Variants in NGEF observed in about 807,000 individuals in gnomAD.
NGEF encodes the protein neuronal guanine nucleotide exchange factor.
In NGEF, 31 loss-of-function variants were observed where a neutral mutation model predicts 80.9. That is an observed-to-expected ratio of 0.38 (90% confidence interval 0.29 to 0.52). NGEF has a LOEUF of 0.52. Among genes scored for constraint, NGEF ranks in the 20% least tolerant of loss-of-function variants. The pLI, the probability that NGEF is intolerant of heterozygous loss-of-function variation, is 0.84. For missense variants in NGEF, 709 were observed against 926.2 expected (o/e 0.77, Z 3.04); for synonymous variants, 371 against 370.2 (o/e 1.00, Z -0.03).
intron 3 of NGEF, among the ~76,000 whole-genome samples, chr2:232,930,851 A>G (rs149152214): frequency 6.6e-5 from 10 of 152,338 alleles, no homozygotes; most frequent in Middle Eastern, 3.4e-3. Flanking sequence ...TGTAAAATAC[A>G]TTCATTCCAT....
At chr2:232,948,480 T>C (rs1345728346) in intron 3 of NGEF, among the ~76,000 whole-genome samples, 3 of 152,034 alleles carry the variant, frequency 2.0e-5, no homozygotes, top group Non-Finnish European at 4.4e-5. Context: ...TGAAGAATAA[T>C]GATGTCTGCA....
At chr2:232,885,225 G>A (rs1218365098) in intron 10 of NGEF, 55 bp downstream of exon 10, 3 of 1,510,512 alleles carry the variant, frequency 2.0e-6, no homozygotes, top group African/African-American at 2.8e-5. Flanking sequence ...TGCCTCTGGG[G>A]CGGGGCCAGG....
Position 232,882,273 on chromosome 2 carries a change from A to C in NGEF, c.1758-8T>G, listed in dbSNP as rs753142894. On this transcript the variant is annotated splice_polypyrimidine_tract_variant and splice_region_variant and intron_variant, in intron 12 of 14. Coordinates refer to ENST00000264051, the MANE Select transcript of NGEF (RefSeq NM_019850.3). ...CAACGCTTCATCTCACTCCTGGCAC[A>C]GGGAAGAGGACAGTGCCCCAACTGC... 1 of 1,612,420 alleles carries C rather than the reference A, an allele frequency of 6.2e-7. No homozygotes were observed. Among genetic ancestry groups the C allele is most frequent in the Non-Finnish European group, 8.5e-7 (1 of 1,179,174 alleles).
chr2:232,912,194 G>T (rs761239069), intron 5 of NGEF, among the ~76,000 whole-genome samples: 2 of 152,082 alleles, frequency 1.3e-5, no homozygotes, highest in Non-Finnish European at 2.9e-5. Context: ...TTCCTCCTTT[G>T]CTGAAAATTT....
At chr2:232,917,200 C>G (rs992670992) in intron 5 of NGEF, among the ~76,000 whole-genome samples, 4 of 152,182 alleles carry the variant, frequency 2.6e-5, no homozygotes, top group African/African-American at 9.7e-5. Context: ...ATCACCAAAA[C>G]CAAGCTTCTA....
At chr2:232,996,683 C>T (rs1464586010) in intron 1 of NGEF, among the ~76,000 whole-genome samples, 1 of 152,076 alleles carries the variant, frequency 6.6e-6, no homozygotes, top group African/African-American at 2.4e-5. Context: ...TTAGTAGAGG[C>T]GGGGTTTCAC....
At chr2:232,887,798 C>A (rs991595575) in intron 9 of NGEF, among the ~76,000 whole-genome samples, 2 of 152,114 alleles carry the variant, frequency 1.3e-5, no homozygotes, top group Non-Finnish European at 2.9e-5. Context: ...ACAAGACAGG[C>A]GGTGAGTACG....
intron 8 of NGEF, among the ~76,000 whole-genome samples, chr2:232,888,312 GCA>G (rs779709733): frequency 3.3e-4 from 50 of 150,566 alleles, no homozygotes; most frequent in South Asian, 1.5e-3. Context: ...ATACATGCTC[GCA>G]CACACATGCA....
chr2:232,883,841 A>G (rs1691590896), intron 11 of NGEF, 140 bp downstream of exon 11: 3 of 865,308 alleles, frequency 3.5e-6, no homozygotes, highest in Non-Finnish European at 3.4e-6. Flanking sequence ...AAGCTGGGCC[A>G]CAGCAGAACA....
chr2:232,986,550 C>A (rs1028914170), intron 1 of NGEF, among the ~76,000 whole-genome samples: 19 of 152,192 alleles, frequency 1.2e-4, no homozygotes, highest in African/African-American at 4.6e-4. Flanking sequence ...CTGCCATTTG[C>A]AACAGCATGG....
chr2:232,926,908 CA>C, intron 4 of NGEF, 135 bp downstream of exon 4: 1 of 1,160,376 alleles, frequency 8.6e-7, no homozygotes. Flanking sequence ...CCAAACATGT[CA>C]AAAGCTTTCC....
intron 3 of NGEF, among the ~76,000 whole-genome samples, chr2:232,943,988 T>C (rs961874849): frequency 1.3e-5 from 2 of 151,592 alleles, no homozygotes; most frequent in African/African-American, 4.8e-5. Flanking sequence ...ATCCCAGCAC[T>C]TTGGGAGGCC....
intron 5 of NGEF, among the ~76,000 whole-genome samples, chr2:232,899,902 GCT>G (rs1454918012): frequency 1.1e-5 from 1 of 93,830 alleles, no homozygotes; most frequent in African/African-American, 4.4e-5. Context: ...TCACACACAT[GCT>G]CTCACAGTCA....
At chr2:232,914,125 CT>C (rs1311659458) in intron 5 of NGEF, among the ~76,000 whole-genome samples, 3 of 152,176 alleles carry the variant, frequency 2.0e-5, no homozygotes, top group Non-Finnish European at 1.5e-5. Flanking sequence ...ACACTCATTC[CT>C]TTACACAGTG....
At chr2:232,907,117 T>TG (rs1421117805) in intron 5 of NGEF, among the ~76,000 whole-genome samples, 3 of 138,510 alleles carry the variant, frequency 2.2e-5, no homozygotes, top group Non-Finnish European at 4.5e-5. Flanking sequence ...CCTATGACCC[T>TG]GCCAAATCCC....
intron 3 of NGEF, among the ~76,000 whole-genome samples, chr2:232,942,042 T>A (rs1265530998): frequency 6.6e-6 from 1 of 152,058 alleles, no homozygotes; most frequent in Non-Finnish European, 1.5e-5. Flanking sequence ...ATCAGGTGAG[T>A]CACCAAAGAA....
At chr2:232,991,158 C>T (rs1212849670) in intron 1 of NGEF, among the ~76,000 whole-genome samples, 2 of 152,072 alleles carry the variant, frequency 1.3e-5, no homozygotes, top group African/African-American at 2.4e-5. Context: ...TGCATACTTT[C>T]TCTTAAGATC....
At chr2:232,884,946 G>A (rs755330147) in intron 10 of NGEF, 10 of 225,028 alleles carry the variant, frequency 4.4e-5, no homozygotes, top group Non-Finnish European at 8.7e-5. Flanking sequence ...AATCCCTGGA[G>A]CAGCACCCCC....
At chr2:232,922,538 G>C (rs1218239198) in intron 4 of NGEF, among the ~76,000 whole-genome samples, 1 of 152,192 alleles carries the variant, frequency 6.6e-6, no homozygotes, top group Non-Finnish European at 1.5e-5. Context: ...AACCCTGACT[G>C]AAGATCTATA....
Sources: gnomAD v4.1 joint callset for allele counts (sites outside exome capture counted in the v4.1 genomes callset) on GRCh38, gnomAD v4.1.1 for gene constraint, MANE v1.5 for transcripts, NCBI Gene and HGNC (gene_info 2026-07-23, HGNC 2026-07-21) for gene names.